Variants in CLSTN2 observed in about 807,000 individuals in gnomAD.
CLSTN2 encodes the protein calsyntenin-2.
CLSTN2 carries 48 observed loss-of-function variants against 101.2 expected under a neutral mutation model. That is an observed-to-expected ratio of 0.47 (90% CI 0.38 to 0.60). The LOEUF is 0.60. CLSTN2 is among the 20% of genes least tolerant of loss of function. The probability of loss-of-function intolerance (pLI) is 0.00; values close to 1 mark genes in which losing one functional copy is unlikely to be tolerated. For synonymous variants in CLSTN2, 481 were observed against 463.6 expected (o/e 1.04, Z -0.48); for missense variants, 1,160 against 1,238.2 (o/e 0.94, Z 0.95).
chr3:140,299,461 AG>A (rs113107652), intron 2 of CLSTN2, among the ~76,000 whole-genome samples: 330 of 152,352 alleles, frequency 2.2e-3, no homozygotes, highest in African/African-American at 7.6e-3. Context: ...GCATATTCAT[AG>A]AGATAAGTCA....
At chr3:140,385,269 G>A (rs1192793682) in intron 2 of CLSTN2, among the ~76,000 whole-genome samples, 7 of 149,810 alleles carry the variant, frequency 4.7e-5, no homozygotes, top group African/African-American at 1.7e-4. Context: ...TTGGTTCATA[G>A]TATGGGATCC....
intron 1 of CLSTN2, among the ~76,000 whole-genome samples, chr3:139,954,272 T>C (rs1416813835): frequency 6.6e-6 from 1 of 152,188 alleles, no homozygotes; most frequent in Non-Finnish European, 1.5e-5. Context: ...CAGTCAGACT[T>C]GCTGGCCAGC....
intron 2 of CLSTN2, among the ~76,000 whole-genome samples, chr3:140,394,088 GT>G (rs1488838007): frequency 6.6e-6 from 1 of 152,172 alleles, no homozygotes; most frequent in Non-Finnish European, 1.5e-5. Context: ...CCATCCCTTT[GT>G]GCTGGCTTGC....
intron 2 of CLSTN2, among the ~76,000 whole-genome samples, chr3:140,368,665 G>A (rs965760221): frequency 5.3e-5 from 8 of 152,096 alleles, no homozygotes; most frequent in Non-Finnish European, 1.0e-4. Context: ...CACAGGTAGG[G>A]AATTACACAA....
chr3:140,165,921 A>AC (rs1368616551), intron 1 of CLSTN2, among the ~76,000 whole-genome samples: 1 of 152,124 alleles, frequency 6.6e-6, no homozygotes. Context: ...AGCCTCACAC[A>AC]CCCCACAGAA....
At chr3:140,338,473 C>T (rs1032921181) in intron 2 of CLSTN2, among the ~76,000 whole-genome samples, 4 of 152,268 alleles carry the variant, frequency 2.6e-5, no homozygotes, top group South Asian at 2.1e-4. Flanking sequence ...TTTTAGCCCT[C>T]GGAGCCTCAT....
At chr3:140,019,136 A>G (rs1315397005) in intron 1 of CLSTN2, among the ~76,000 whole-genome samples, 2 of 152,128 alleles carry the variant, frequency 1.3e-5, no homozygotes, top group Admixed American at 6.5e-5. Context: ...CAAAGCCCCA[A>G]TCCCATTATT....
intron 1 of CLSTN2, among the ~76,000 whole-genome samples, chr3:140,124,546 G>A (rs924873628): frequency 1.3e-5 from 2 of 152,248 alleles, no homozygotes; most frequent in South Asian, 2.1e-4. Flanking sequence ...AGATTTGCAG[G>A]CAATGTTAAG....
At chr3:140,310,492 T>C (rs567795084) in intron 2 of CLSTN2, among the ~76,000 whole-genome samples, 1 of 152,290 alleles carries the variant, frequency 6.6e-6, no homozygotes, top group East Asian at 1.9e-4. Flanking sequence ...ATTTCAGTAA[T>C]GGTGACCTCT....
chr3:140,048,991 G>T (rs531369568), intron 1 of CLSTN2, among the ~76,000 whole-genome samples: 4 of 152,302 alleles, frequency 2.6e-5, no homozygotes, highest in African/African-American at 7.2e-5. Flanking sequence ...GCACCTGTTT[G>T]TGCTGGTCTT....
chr3:140,166,280 T>C (rs1343431532), intron 1 of CLSTN2, among the ~76,000 whole-genome samples: 1 of 152,194 alleles, frequency 6.6e-6, no homozygotes, highest in African/African-American at 2.4e-5. Context: ...AAGGGTCCAG[T>C]ATCTATCTTG....
chr3:139,997,618 A>G (rs1038248441), intron 1 of CLSTN2, among the ~76,000 whole-genome samples: 17 of 152,202 alleles, frequency 1.1e-4, no homozygotes, highest in Non-Finnish European at 2.5e-4. Context: ...TAATCATTAC[A>G]CATCTGTACT....
chr3:140,232,573 A>G (rs571469861), intron 2 of CLSTN2, among the ~76,000 whole-genome samples: 43 of 152,240 alleles, frequency 2.8e-4, no homozygotes, highest in Non-Finnish European at 4.4e-4. Flanking sequence ...CCTCCTGCCC[A>G]GATCTCCCTG....
chr3:140,510,720 A>G (rs1934795719), intron 8 of CLSTN2, among the ~76,000 whole-genome samples: 1 of 152,266 alleles, frequency 6.6e-6, no homozygotes, highest in East Asian at 1.9e-4. Context: ...AAAACACACT[A>G]CGCTTCTTGC....
At chr3:140,261,553 A>G (rs1244903655) in intron 2 of CLSTN2, among the ~76,000 whole-genome samples, 5 of 152,090 alleles carry the variant, frequency 3.3e-5, no homozygotes, top group Non-Finnish European at 5.9e-5. Flanking sequence ...GGTTCTTTTT[A>G]TTGGAGACTG....
At chr3:140,241,790 G>T (rs1298029496) in intron 2 of CLSTN2, among the ~76,000 whole-genome samples, 1 of 138,556 alleles carries the variant, frequency 7.2e-6, no homozygotes, top group South Asian at 2.3e-4. Flanking sequence ...TCATATGCGA[G>T]ATATATATAT....
At chr3:140,095,309 C>T (rs998569170) in intron 1 of CLSTN2, among the ~76,000 whole-genome samples, 9 of 152,186 alleles carry the variant, frequency 5.9e-5, no homozygotes, top group African/African-American at 2.2e-4. Context: ...GTGGGGAGGA[C>T]AGTTTCTGAA....
At chr3:140,063,131 A>C (rs1329184722) in intron 1 of CLSTN2, among the ~76,000 whole-genome samples, 1 of 152,184 alleles carries the variant, frequency 6.6e-6, no homozygotes, top group Non-Finnish European at 1.5e-5. Flanking sequence ...CATAAACACC[A>C]GTGATTTCTG....
At chr3:140,323,358 G>C (rs2087302697) in intron 2 of CLSTN2, among the ~76,000 whole-genome samples, 1 of 152,220 alleles carries the variant, frequency 6.6e-6, no homozygotes, top group Non-Finnish European at 1.5e-5. Flanking sequence ...CTCTTCCACA[G>C]GTTATACAAG....
Sources: gnomAD v4.1 joint callset for allele counts (sites outside exome capture counted in the v4.1 genomes callset) on GRCh38, gnomAD v4.1.1 for gene constraint, MANE v1.5 for transcripts, NCBI Gene and HGNC (gene_info 2026-07-23, HGNC 2026-07-21) for gene names.